Variants in SCN8A observed in about 807,000 individuals in gnomAD.
SCN8A encodes the protein sodium voltage-gated channel alpha subunit 8, also known as sodium channel protein type 8 subunit alpha.
A neutral mutation model predicts 184.1 loss-of-function variants in SCN8A; 30 were observed. That is an observed-to-expected ratio of 0.16 (90% CI 0.12 to 0.22). The LOEUF (loss-of-function observed/expected upper bound fraction) is 0.22. Among genes scored for constraint, SCN8A ranks in the 10% least tolerant of loss-of-function variants. SCN8A has a pLI of 1.00. For synonymous variants in SCN8A, 852 were observed against 907.0 expected (o/e 0.94, Z 1.09); for missense variants, 1,057 against 2,498.9 (o/e 0.42, Z 12.30).
chr12:51,727,949 C>CA (rs1228462281), intron 12 of SCN8A, among the ~76,000 whole-genome samples: 1 of 151,366 alleles, frequency 6.6e-6, no homozygotes, highest in South Asian at 2.1e-4. Context: ...GACTCTTTCT[C>CA]AAAAAAAAGA....
chr12:51,778,340 A>G (rs1487245343), intron 20 of SCN8A, among the ~76,000 whole-genome samples: 1 of 152,094 alleles, frequency 6.6e-6, no homozygotes, highest in Non-Finnish European at 1.5e-5. Flanking sequence ...GTTGGAGTGC[A>G]ATGGCACCAT....
At chr12:51,714,585 GACCT>G (rs1941935403) in intron 11 of SCN8A, among the ~76,000 whole-genome samples, 1 of 152,100 alleles carries the variant, frequency 6.6e-6, no homozygotes, top group African/African-American at 2.4e-5. Context: ...AGGTCTCAGG[GACCT>G]CCGGGGGTCT....
rs776479136 is a variant in SCN8A, at chr12:51,721,650, G to A, written c.1740G>A (p.Glu580=). Residue 580 remains glutamate (E), a synonymous_variant, in exon 12 of 27, where the codon GAG becomes GAA. Coordinates refer to ENST00000627620, the MANE Select transcript of SCN8A (RefSeq NM_001330260.2). ...GGCGGTTCCGAGACCCGGGCTCCGA[G>A]AATGAGTTCGCGGATGACGAGCACA... ...GPGRFRDPGS[E]NEFADDEHST... The A allele has an allele frequency of 1.2e-6, 2 of 1,609,556 alleles. No homozygotes were observed. Among genetic ancestry groups the A allele is most frequent in the African/African-American group, 2.7e-5 (2 of 74,884 alleles).
chr12:51,657,208 T>TA (rs1288189646), intron 1 of SCN8A, among the ~76,000 whole-genome samples: 4 of 152,146 alleles, frequency 2.6e-5, no homozygotes, highest in Non-Finnish European at 4.4e-5. Flanking sequence ...TAATATGTGG[T>TA]ACAGTGTGAT....
In SCN8A at chr12:51,720,520, G is replaced by C. The variant is rs1592404334; in HGVS notation, c.1636-1026G>C. Reference sequence around the variant, plus strand: ...AACTAATGTAAATGATGAGTTAATGGGTGCAGCACACCAACATGGCACATG... The same window carrying C: ...AACTAATGTAAATGATGAGTTAATGCGTGCAGCACACCAACATGGCACATG... On this transcript the variant is annotated intron_variant, in intron 11 of 26. Coordinates refer to ENST00000627620, the MANE Select transcript of SCN8A (RefSeq NM_001330260.2). Among the ~76,000 whole-genome samples the C allele has an allele frequency of 2.0e-5, 3 of 150,722 alleles. No individual in the cohort carries two copies. In the South Asian group the frequency reaches 6.3e-4, roughly 32 times the overall value.
intron 1 of SCN8A, among the ~76,000 whole-genome samples, chr12:51,598,122 A>G (rs148196918): frequency 4.6e-5 from 7 of 152,292 alleles, no homozygotes; most frequent in Admixed American, 3.3e-4. Flanking sequence ...TGTCTTGAAG[A>G]TAATTAGTCA....
At chr12:51,757,635 C>G (rs1283780662) in intron 14 of SCN8A, among the ~76,000 whole-genome samples, 1 of 152,166 alleles carries the variant, frequency 6.6e-6, no homozygotes, top group African/African-American at 2.4e-5. Flanking sequence ...ACAGGCTAGT[C>G]CAAACTAGAC....
chr12:51,752,964 A>G (rs1239794192), intron 14 of SCN8A, among the ~76,000 whole-genome samples: 1 of 152,142 alleles, frequency 6.6e-6, no homozygotes, highest in African/African-American at 2.4e-5. Context: ...TACTTTTTAC[A>G]GAACCAGTCT....
chr12:51,684,788 T>A lies in SCN8A; in HGVS notation c.395+496T>A, dbSNP rs567469080. Among the ~76,000 whole-genome samples the A allele has an allele frequency of 3.3e-5, 5 of 152,172 alleles. No homozygotes were observed. The East Asian group carries it at 9.6e-4, about 29-fold the overall frequency. ...TGAAATAACCTCCTTGTTACAGAGG[T>A]TTAGATGCAGATTGTAGGATAAATA... On this transcript the variant is annotated intron_variant, in intron 3 of 26. Coordinates refer to ENST00000627620, the MANE Select transcript of SCN8A (RefSeq NM_001330260.2).
intron 19 of SCN8A, among the ~76,000 whole-genome samples, chr12:51,770,942 C>T (rs1169793618): frequency 6.6e-6 from 1 of 152,202 alleles, no homozygotes; most frequent in African/African-American, 2.4e-5. Flanking sequence ...CTTAGCAGCC[C>T]CTAAAATGAA....
At chr12:51,726,869 T>C (rs1439524747) in intron 12 of SCN8A, among the ~76,000 whole-genome samples, 1 of 152,138 alleles carries the variant, frequency 6.6e-6, no homozygotes, top group Non-Finnish European at 1.5e-5. Flanking sequence ...AGAGAAATTA[T>C]TGTACAATTA....
intron 1 of SCN8A, among the ~76,000 whole-genome samples, chr12:51,602,198 A>G (rs1939482132): frequency 6.6e-6 from 1 of 152,192 alleles, no homozygotes; most frequent in Non-Finnish European, 1.5e-5. Context: ...CAACACAGGA[A>G]TGATAAATGT....
At chr12:51,760,753 G>C (rs1249236084) in intron 14 of SCN8A, among the ~76,000 whole-genome samples, 1 of 152,068 alleles carries the variant, frequency 6.6e-6, no homozygotes, top group Non-Finnish European at 1.5e-5. Flanking sequence ...TACTTAACTG[G>C]ATCTCTTTGT....
At chr12:51,683,794 C>T (rs1045686137) in intron 2 of SCN8A, among the ~76,000 whole-genome samples, 8 of 152,170 alleles carry the variant, frequency 5.3e-5, no homozygotes, top group Non-Finnish European at 1.0e-4. Context: ...TTCCCAAGCA[C>T]CTAGAACACT....
At chr12:51,726,248 TGA>T (rs916431865) in intron 12 of SCN8A, among the ~76,000 whole-genome samples, 10 of 152,210 alleles carry the variant, frequency 6.6e-5, no homozygotes, top group Admixed American at 3.9e-4. Flanking sequence ...GGAAAGTAGG[TGA>T]GAATCATTTC....
intron 12 of SCN8A, 188 bp downstream of exon 12, chr12:51,722,096 A>G (rs535511547): frequency 2.2e-5 from 19 of 855,736 alleles, no homozygotes; most frequent in Non-Finnish European, 2.7e-5. Flanking sequence ...GCCTATTTCT[A>G]TTTCTCTCTT....
At chr12:51,702,290 C>G (rs977545790) in intron 8 of SCN8A, among the ~76,000 whole-genome samples, 1 of 142,544 alleles carries the variant, frequency 7.0e-6, no homozygotes, top group African/African-American at 2.7e-5. Context: ...CCATGGCACT[C>G]TAGCCTGGGC....
chr12:51,766,117 TCTA>T (rs1475119938), intron 16 of SCN8A, 90 bp downstream of exon 16: 1 of 970,564 alleles, frequency 1.0e-6, no homozygotes, highest in African/African-American at 1.6e-5. Flanking sequence ...GCTTAGTCCT[TCTA>T]CTACCCGTCA....
chr12:51,786,099 A>G (rs1456827882), intron 21 of SCN8A, among the ~76,000 whole-genome samples: 1 of 152,238 alleles, frequency 6.6e-6, no homozygotes, highest in Admixed American at 6.5e-5. Flanking sequence ...TCTATTAACC[A>G]CAACGGGTAG....
Sources: gnomAD v4.1 joint callset for allele counts (sites outside exome capture counted in the v4.1 genomes callset) on GRCh38, gnomAD v4.1.1 for gene constraint, MANE v1.5 for transcripts, NCBI Gene and HGNC (gene_info 2026-07-23, HGNC 2026-07-21) for gene names.